NRXN1: variants seen among roughly 807,000 people sequenced by gnomAD.
The protein encoded by NRXN1 is neurexin 1.
In NRXN1, 39 loss-of-function variants were observed where a neutral mutation model predicts 150.9. The ratio of observed to expected loss-of-function variants is 0.26; its 90% CI spans 0.20 to 0.34. The LOEUF (loss-of-function observed/expected upper bound fraction) is 0.34, where lower values mean the gene tolerates loss of function less well. Among genes scored for constraint, NRXN1 ranks in the 10% least tolerant of loss-of-function variants. The probability of loss-of-function intolerance (pLI) is 1.00; values close to 1 mark genes in which losing one functional copy is unlikely to be tolerated. For missense variants in NRXN1, 1,815 were observed against 1,949.9 expected (o/e 0.93, Z 1.30); for synonymous variants, 924 against 757.0 (o/e 1.22, Z -3.62).
intron 17 of NRXN1, among the ~76,000 whole-genome samples, chr2:50,255,045 C>T (rs1482350491): frequency 1.3e-5 from 2 of 151,946 alleles, no homozygotes; most frequent in Non-Finnish European, 2.9e-5. Flanking sequence ...TGGGCTCAAG[C>T]GATCCACCCA....
chr2:51,008,818 A>G (rs1667422976), intron 2 of NRXN1, among the ~76,000 whole-genome samples: 1 of 151,624 alleles, frequency 6.6e-6, no homozygotes, highest in African/African-American at 2.4e-5. Context: ...ATATACTTCT[A>G]TTTTTTATAG....
intron 5 of NRXN1, among the ~76,000 whole-genome samples, chr2:50,651,794 A>G (rs1472013674): frequency 6.6e-6 from 1 of 152,038 alleles, no homozygotes; most frequent in East Asian, 1.9e-4. Flanking sequence ...GGGCTTTGGA[A>G]CTGTAATAAA....
intron 18 of NRXN1, among the ~76,000 whole-genome samples, chr2:50,155,966 TTTG>T (rs955172161): frequency 1.3e-5 from 2 of 151,672 alleles, no homozygotes; most frequent in Non-Finnish European, 3.0e-5. Flanking sequence ...AGTTGACAAA[TTTG>T]TTAACTTAAA....
chr2:50,341,307 C>T (rs541381164), intron 17 of NRXN1, among the ~76,000 whole-genome samples: 2 of 151,892 alleles, frequency 1.3e-5, no homozygotes, highest in South Asian at 2.1e-4. Flanking sequence ...GAGTTAATAA[C>T]TGGCTGAACT....
At position 50,495,895 on chromosome 2, in the gene NRXN1, A is replaced by G. The variant is rs200623578; in HGVS notation, c.3070+10T>C. 1.9e-6 allele frequency: 3 copies of G among 1,581,618 alleles called. No individual in the cohort carries two copies. Among genetic ancestry groups the G allele is most frequent in the Admixed American group, 1.8e-5 (1 of 56,696 alleles). ...GCAAGGCTCGTTGCTCTGACTTAACATGCACTTACTCTTGAGGTCTAAGTT... is the reference window on the plus strand; with the variant it reads ...GCAAGGCTCGTTGCTCTGACTTAACGTGCACTTACTCTTGAGGTCTAAGTT... On this transcript the variant is annotated intron_variant, in intron 15 of 22. Coordinates refer to ENST00000401669, the MANE Select transcript of NRXN1 (RefSeq NM_001330078.2).
chr2:50,230,415 G>C (rs953220175), intron 18 of NRXN1, among the ~76,000 whole-genome samples: 1 of 151,974 alleles, frequency 6.6e-6, no homozygotes, highest in Non-Finnish European at 1.5e-5. Context: ...TACAGAATTT[G>C]CCTTTACCCA....
intron 14 of NRXN1, among the ~76,000 whole-genome samples, chr2:50,496,687 T>C (rs1239016367): frequency 6.6e-6 from 1 of 152,220 alleles, no homozygotes; most frequent in Non-Finnish European, 1.5e-5. Context: ...TGTGTGGGTA[T>C]GACTCACAGT....
intron 2 of NRXN1, among the ~76,000 whole-genome samples, chr2:50,978,291 TATATATATATATATAA>T (rs1195354469): frequency 2.3e-5 from 3 of 131,822 alleles, no homozygotes; most frequent in African/African-American, 8.3e-5. Context: ...TATATATATA[TATATATATATATATAA>T]AATATATATA....
chr2:50,365,030 C>T (rs143297707), intron 17 of NRXN1, among the ~76,000 whole-genome samples: 303 of 152,074 alleles, frequency 2.0e-3, no homozygotes, highest in African/African-American at 6.9e-3. Flanking sequence ...AGGCTTTACA[C>T]AGCATGGCAA....
At chr2:50,146,211 C>G (rs997297270) in intron 18 of NRXN1, among the ~76,000 whole-genome samples, 3 of 151,592 alleles carry the variant, frequency 2.0e-5, no homozygotes, top group Non-Finnish European at 4.4e-5. Context: ...AGTAGATTTT[C>G]AAAACTCCTA....
At chr2:50,274,799 A>C (rs2070217530) in intron 17 of NRXN1, among the ~76,000 whole-genome samples, 1 of 152,122 alleles carries the variant, frequency 6.6e-6, no homozygotes, top group Middle Eastern at 3.2e-3. Context: ...AAAACCCATA[A>C]AAATGTAGTT....
chr2:50,322,879 C>G (rs889541917), intron 17 of NRXN1, among the ~76,000 whole-genome samples: 3 of 152,180 alleles, frequency 2.0e-5, no homozygotes, highest in Non-Finnish European at 2.9e-5. Flanking sequence ...GACTAACATT[C>G]TAACACCTAC....
chr2:50,851,624 A>C (rs1215405497), intron 5 of NRXN1, among the ~76,000 whole-genome samples: 1 of 152,136 alleles, frequency 6.6e-6, no homozygotes, highest in Non-Finnish European at 1.5e-5. Flanking sequence ...TTTTCAGAAA[A>C]TTTGCAATTG....
At position 50,531,436 on chromosome 2, in the gene NRXN1, G is replaced by A. The variant is rs766708934; in HGVS notation, c.2144-6C>T. The A allele has an allele frequency of 6.2e-7, 1 of 1,603,974 alleles. No individual in the cohort carries two copies. Among genetic ancestry groups the A allele is most frequent in the Non-Finnish European group, 8.5e-7 (1 of 1,174,136 alleles). ...ATAGCTCAAAACCGTTGCCTCTAGA[G>A]ATGGAAAATGAATATGATAAGTTCT... is the stretch of plus-strand genomic sequence containing the variant. On this transcript the variant is annotated splice_region_variant and splice_polypyrimidine_tract_variant and intron_variant, in intron 10 of 22. Transcript: ENST00000401669.
chr2:50,770,936 A>G (rs536329360), intron 5 of NRXN1, among the ~76,000 whole-genome samples: 2 of 152,238 alleles, frequency 1.3e-5, no homozygotes, highest in Admixed American at 6.6e-5. Context: ...GGTAAAATGT[A>G]AGGCCTCTAA....
At chr2:50,023,062 A>G (rs112053701) in intron 21 of NRXN1, 2 of 152,194 alleles carry the variant, frequency 1.3e-5, no homozygotes, top group African/African-American at 4.8e-5. Flanking sequence ...ACAAGAATGC[A>G]CTGAAGATAG....
At chr2:50,994,834 C>G (rs1699029501) in intron 2 of NRXN1, among the ~76,000 whole-genome samples, 1 of 151,956 alleles carries the variant, frequency 6.6e-6, no homozygotes. Context: ...ACAGCAAGCA[C>G]AGGATACAAA....
chr2:50,302,012 T>C (rs1449286439), intron 17 of NRXN1, among the ~76,000 whole-genome samples: 2 of 152,028 alleles, frequency 1.3e-5, no homozygotes. Context: ...TTCAGTGGAA[T>C]GGAAAAAGGG....
In NRXN1 at chr2:49,956,268, C is replaced by T. The variant is rs1320121288; in HGVS notation, c.4129-12477G>A. ...AAAGTACCTTAGAGTTTTACAAAAACGTTTCCAAATGCAAGGGATTGACAG... is the reference window on the plus strand; with the variant it reads ...AAAGTACCTTAGAGTTTTACAAAAATGTTTCCAAATGCAAGGGATTGACAG... On this transcript the variant is annotated intron_variant, in intron 21 of 22. Coordinates refer to ENST00000401669, the MANE Select transcript of NRXN1 (RefSeq NM_001330078.2). Among the ~76,000 whole-genome samples, 4 of 152,088 alleles carry T rather than the reference C, an allele frequency of 2.6e-5. No individual in the cohort carries two copies. The South Asian group carries it at 6.2e-4, about 24-fold the overall frequency.
Sources: allele counts gnomAD v4.1 joint callset (sites outside exome capture counted in the v4.1 genomes callset), GRCh38; gene constraint gnomAD v4.1.1; transcripts MANE v1.5; gene names NCBI Gene and HGNC (gene_info 2026-07-23, HGNC 2026-07-21).